The following TMEM129 variants were observed in gnomAD, a reference collection of about 807,000 sequenced individuals.
TMEM129 encodes the protein transmembrane protein 129, E3 ubiquitin ligase.
TMEM129 carries 35 observed loss-of-function variants against 34.1 expected under a neutral mutation model. That is an observed-to-expected ratio of 1.03 (90% CI 0.78 to 1.36). The LOEUF (loss-of-function observed/expected upper bound fraction) is 1.36. Ranked by LOEUF, TMEM129 falls within the 40% of genes most tolerant of loss-of-function variation. The pLI, the probability that TMEM129 is intolerant of heterozygous loss-of-function variation, is 0.00. For missense variants in TMEM129, 504 were observed against 512.6 expected, an observed-to-expected ratio of 0.98 and a Z score of 0.16; for synonymous variants, 239 against 217.3, an observed-to-expected ratio of 1.10 and a Z score of -0.88.
At chr4:1,719,109 C>T (rs757091695) in intron 1 of TMEM129, 7 of 1,192,926 alleles carry the variant, frequency 5.9e-6, no homozygotes, top group African/African-American at 4.7e-5. Context: ...CTTCAGGGCC[C>T]TGCTGGCCAG....
chr4:1,720,463 C>T lies in TMEM129; in HGVS notation c.205+170G>A, dbSNP rs911598117. On this transcript the variant is annotated intron_variant, in intron 1 of 3. Transcript: ENST00000382936. This position sits in a 1 kb window ranked among gnomAD's most constrained non-coding sequence, Gnocchi z 4.4. ...CCTGCAAGTCAGTGCCGGCGGCGCC[C>T]CTAAGCGCGCTCAGCCCACGCCGCG... 6.6e-6 allele frequency among the ~76,000 whole-genome samples: 1 copy of T among 152,256 alleles called. No homozygotes were observed. Among genetic ancestry groups the T allele is most frequent in the Non-Finnish European group, 1.5e-5 (1 of 68,044 alleles).
chr4:1,717,765 G>C, intron 2 of TMEM129, 90 bp from the exon 3 acceptor site: 1 of 1,427,570 alleles, frequency 7.0e-7, no homozygotes, highest in Non-Finnish European at 9.3e-7. Flanking sequence ...GGCAGCTGTC[G>C]CACCAGGACC....
intron 1 of TMEM129, among the ~76,000 whole-genome samples, chr4:1,719,605 G>A (rs1283201009): frequency 6.6e-6 from 1 of 152,272 alleles, no homozygotes; most frequent in East Asian, 1.9e-4. Context: ...AAAAGAGCTT[G>A]ACATCCGACT....
Position 1,720,971 on chromosome 4 carries a change from T to G in TMEM129, c.-134A>C. 1.0e-5 allele frequency: 4 copies of G among 385,906 alleles called. No homozygotes were observed. Among genetic ancestry groups the G allele is most frequent in the Non-Finnish European group, 1.3e-5 (3 of 230,628 alleles). The allele number at this position is 385,906 out of a possible 1,614,324, so 23.9% of individuals were successfully genotyped here. A position where few individuals can be genotyped will look rare whatever the true frequency, so the allele number is the denominator to read the frequency against. Reference sequence around the variant, plus strand: ...CCGCGGGGCACTCTAGGACATGGAGTCCCGCCGCCCGGCCGCCCGCGGGGC... The same window carrying G: ...CCGCGGGGCACTCTAGGACATGGAGGCCCGCCGCCCGGCCGCCCGCGGGGC... On this transcript the variant is annotated 5_prime_UTR_variant, in exon 1 of 4. Transcript: ENST00000382936. The surrounding 1 kb of genome is among the most constrained non-coding windows in gnomAD (Gnocchi z 4.4).
At position 1,720,842 on chromosome 4, in the gene TMEM129, CAGCCGCCGGGA is replaced by C; in HGVS notation, c.-16_-6del. 6.4e-7 allele frequency: 1 copy of C among 1,570,528 alleles called. No individual in the cohort carries two copies. ...GGTCACCTCGGGGCTGTCCATCGCG[CAGCCGCCGGGA>C]AGCTGTCGAGCTAGGCCCCCGCCCC... On this transcript the variant is annotated 5_prime_UTR_variant, in exon 1 of 4. Transcript: ENST00000382936. The surrounding 1 kb of genome is among the most constrained non-coding windows in gnomAD (Gnocchi z 4.4).
In TMEM129 at chr4:1,717,497, C is replaced by A. The variant is rs1249708786; in HGVS notation, c.840+19G>T. On this transcript the variant is annotated intron_variant, in intron 3 of 3. Coordinates refer to ENST00000382936, the MANE Select transcript of TMEM129 (RefSeq NM_001127266.2). ...GTGGGCACCCACCCATCCACCCGGC[C>A]CTGGCCCAGGCCCCCCACCTGGCTG... 1 of 1,509,022 alleles carries A rather than the reference C, an allele frequency of 6.6e-7. No individual in the cohort carries two copies. Among genetic ancestry groups the A allele is most frequent in the Admixed American group, 2.1e-5 (1 of 48,514 alleles). The allele number at this position is 1,509,022 out of a possible 1,614,324, so 93.5% of individuals were successfully genotyped here. A position where few individuals can be genotyped will look rare whatever the true frequency, so the allele number is the denominator to read the frequency against.
intron 1 of TMEM129, 59 bp from the exon 2 acceptor site, chr4:1,718,685 C>T (rs976409393): frequency 4.3e-5 from 61 of 1,432,308 alleles, no homozygotes; most frequent in South Asian, 7.6e-5. Flanking sequence ...GTCCACCCCC[C>T]GACAGCCCTG....
chr4:1,721,124 C>T lies in TMEM129; in HGVS notation c.-287G>A. On this transcript the variant is annotated 5_prime_UTR_variant, in exon 1 of 4. Transcript: ENST00000382936. ...CCGCCGCTCGGCCGCTCGCGGGGCG[C>T]TCTGGGAGATGCAGTCCCCGTGCGG... 4 of 249,800 alleles carry T rather than the reference C, an allele frequency of 1.6e-5. No individual in the cohort carries two copies. The highest frequency in any genetic ancestry group is 3.0e-5 in the Non-Finnish European group (4 of 135,152). The allele number at this position is 249,800 out of a possible 1,614,324, so 15.5% of individuals were successfully genotyped here.
At position 1,717,225 on chromosome 4, in the gene TMEM129, G is replaced by A; in HGVS notation, c.1044C>T (p.Thr348=). Residue 348 remains threonine, a synonymous_variant, in exon 4 of 4, where the codon ACC becomes ACT. Coordinates refer to ENST00000382936, the MANE Select transcript of TMEM129 (RefSeq NM_001127266.2). The stretch of plus-strand genomic sequence containing the variant: ...CCAGGATGCAGAAGCGTGCGCGGCA[G>A]GTGGGGCAGGGCACGCGGCTGGCCA... ...TWLASRVPCP[T]CRARFCILDV... is the part of the protein sequence containing the mutation. The A allele has an allele frequency of 1.3e-6, 2 of 1,500,846 alleles. No homozygotes were observed. Among genetic ancestry groups the A allele is most frequent in the South Asian group, 1.2e-5 (1 of 80,358 alleles). The allele number at this position is 1,500,846 out of a possible 1,614,324, so 93.0% of individuals were successfully genotyped here. A position where few individuals can be genotyped will look rare whatever the true frequency, so the allele number is the denominator to read the frequency against.
chr4:1,719,324 C>T lies in TMEM129; in HGVS notation c.206-698G>A, dbSNP rs1266241554. On this transcript the variant is annotated intron_variant, in intron 1 of 3. Transcript: ENST00000382936. The stretch of plus-strand genomic sequence containing the variant: ...ATCCCAGCACTTTGGGAAGCCGAGG[C>T]GGACGGATCACGAGGTCAGATCGAG... 2.5e-5 allele frequency: 11 copies of T among 432,380 alleles called. No individual in the cohort carries two copies. The East Asian group carries it at 2.8e-4, about 11-fold the overall frequency. The allele number at this position is 432,380 out of a possible 1,614,324, so 26.8% of individuals were successfully genotyped here.
In TMEM129 at chr4:1,716,931, G is replaced by C; in HGVS notation, c.*249C>G. On this transcript the variant is annotated 3_prime_UTR_variant, in exon 4 of 4. Transcript: ENST00000382936. ...AGGATCTGCCCCCACCAGCAGGAAAGGGGCAGGAGGGAGGCAAAGAGGAGG... is the reference window on the plus strand; with the variant it reads ...AGGATCTGCCCCCACCAGCAGGAAACGGGCAGGAGGGAGGCAAAGAGGAGG... 2.4e-6 allele frequency: 1 copy of C among 410,028 alleles called. No individual in the cohort carries two copies. The highest frequency in any genetic ancestry group is 4.2e-6 in the Non-Finnish European group (1 of 235,914). The allele number at this position is 410,028 out of a possible 1,614,324, so 25.4% of individuals were successfully genotyped here. A position where few individuals can be genotyped will look rare whatever the true frequency, so the allele number is the denominator to read the frequency against.
Position 1,717,005 on chromosome 4 carries a change from G to T in TMEM129, c.*175C>A. 2 of 800,392 alleles carry T rather than the reference G, an allele frequency of 2.5e-6. No homozygotes were observed. Among genetic ancestry groups the T allele is most frequent in the African/African-American group, 1.8e-5 (1 of 56,706 alleles). 49.6% of individuals were successfully genotyped at this position (800,392 alleles called of 1,614,324 possible). A position where few individuals can be genotyped will look rare whatever the true frequency, so the allele number is the denominator to read the frequency against. On this transcript the variant is annotated 3_prime_UTR_variant, in exon 4 of 4. Transcript: ENST00000382936. ...GCCAAGCAGGGTGGGGTGTTTTCAT[G>T]AGGATTGCTTTTAACCAAAAGTCCT...
chr4:1,718,579 C>T lies in TMEM129; in HGVS notation c.253G>A (p.Ala85Thr), dbSNP rs201756973. The change falls in exon 2 of 4, where the codon GCC becomes ACC. Residue 85 changes from alanine (A) to threonine (T), a missense_variant. Physicochemically the swap from Ala to Thr is moderately conservative, Grantham distance 58. Coordinates refer to ENST00000382936, the MANE Select transcript of TMEM129 (RefSeq NM_001127266.2). ...CAGGCCTCAGGGGCCTGGCTGAGGG[C>T]GTGGAGCCGCTTTTCTGAAGCCGCA... Reference protein sequence around the residue: ...CLAASEKRLHALSQAPEAWRL... With the variant: ...CLAASEKRLHTLSQAPEAWRL... 164 of 1,465,188 alleles carry T rather than the reference C, an allele frequency of 1.1e-4. No individual in the cohort carries two copies. In the African/African-American group the frequency reaches 1.9e-3, roughly 17 times the overall value. 90.8% of individuals were successfully genotyped at this position (1,465,188 alleles called of 1,614,324 possible). A position where few individuals can be genotyped will look rare whatever the true frequency, so the allele number is the denominator to read the frequency against.
rs781325125 is a variant in TMEM129, at chr4:1,717,423, C to T, written c.846G>A (p.Leu282=). 27 of 1,514,674 alleles carry T rather than the reference C, an allele frequency of 1.8e-5. No homozygotes were observed. Among genetic ancestry groups the T allele is most frequent in the Middle Eastern group, 1.7e-4 (1 of 5,756 alleles). 93.8% of individuals were successfully genotyped at this position (1,514,674 alleles called of 1,614,324 possible). ...TCTGCATGCAGCCTATGCAGGCCTCCAGCTCCTGCGGGCAGGTGGAGCGTC... is the reference window on the plus strand; with the variant it reads ...TCTGCATGCAGCCTATGCAGGCCTCTAGCTCCTGCGGGCAGGTGGAGCGTC... ...PAYSVPSSQE[L]EACIGCMQTR... The change falls in exon 4 of 4, where the codon CTG becomes CTA. Residue 282 remains leucine (L), a synonymous_variant. Coordinates refer to ENST00000382936, the MANE Select transcript of TMEM129 (RefSeq NM_001127266.2).
intron 1 of TMEM129, chr4:1,719,358 G>C (rs898706668): frequency 2.6e-6 from 1 of 379,684 alleles, no homozygotes; most frequent in African/African-American, 2.1e-5. Context: ...AGACCATCCT[G>C]GCTAACACGG....
At position 1,718,401 on chromosome 4, in the gene TMEM129, G is replaced by C. The variant is rs1432128239; in HGVS notation, c.431C>G (p.Ser144Cys). The C allele has an allele frequency of 6.2e-7, 1 of 1,607,144 alleles. No individual in the cohort carries two copies. The highest frequency in any genetic ancestry group is 1.7e-5 in the Admixed American group (1 of 59,216). Residue 144 changes from serine to cysteine, a missense_variant, in exon 2 of 4, where the codon TCT (serine) becomes TGT (cysteine). Coordinates refer to ENST00000382936, the MANE Select transcript of TMEM129 (RefSeq NM_001127266.2). Reference sequence around the variant, plus strand: ...AATCCGCCGGAACTCAGTGTTGACAGAGGAGGCAACAGCCTGCCAGCCAGA... The same window carrying C: ...AATCCGCCGGAACTCAGTGTTGACACAGGAGGCAACAGCCTGCCAGCCAGA... ...PQSGWQAVAS[S>C]VNTEFRRIDK... is the part of the protein sequence containing the mutation.
intron 1 of TMEM129, among the ~76,000 whole-genome samples, chr4:1,719,572 A>G (rs1439835756): frequency 6.6e-6 from 1 of 152,180 alleles, no homozygotes; most frequent in Non-Finnish European, 1.5e-5. Flanking sequence ...AAGCTTGAAA[A>G]CTTTCAAACT....
At position 1,718,301 on chromosome 4, in the gene TMEM129, G is replaced by C. The variant is rs772545910; in HGVS notation, c.531C>G (p.Tyr177Ter). ...CCTGCTGCTGGGCCACGTGCACTCG[G>C]TAGGTGGTTACCTTCATCACCCACG... is the stretch of plus-strand genomic sequence containing the variant. ...TDTWVMKVTT[Y>*]RVHVAQQQDV... Residue 177 changes from tyrosine to a stop codon, truncating the protein, a stop_gained, in exon 2 of 4, where the codon TAC (tyrosine) becomes TAG (stop). Coordinates refer to ENST00000382936, the MANE Select transcript of TMEM129 (RefSeq NM_001127266.2). LOFTEE classifies it high-confidence loss of function. 2.6e-5 allele frequency: 42 copies of C among 1,613,212 alleles called. No homozygotes were observed. The highest frequency in any genetic ancestry group is 3.5e-5 in the Non-Finnish European group (41 of 1,179,878).
In TMEM129 at chr4:1,718,112, C is replaced by A. The variant is rs763843228; in HGVS notation, c.680+40G>T. On this transcript the variant is annotated intron_variant, in intron 2 of 3. Coordinates refer to ENST00000382936, the MANE Select transcript of TMEM129 (RefSeq NM_001127266.2). ...GGCACCAGAGCCTGGCTCTGGCCTG[C>A]CATGTGCCCTCCGCAGCCCCACAGG... 15 of 1,491,210 alleles carry A rather than the reference C, an allele frequency of 1.0e-5. 1 individual carries two copies. In the South Asian group the frequency reaches 1.9e-4, roughly 19 times the overall value. The allele number at this position is 1,491,210 out of a possible 1,614,324, so 92.4% of individuals were successfully genotyped here. A position where few individuals can be genotyped will look rare whatever the true frequency, so the allele number is the denominator to read the frequency against.
Sources: allele counts gnomAD v4.1 joint callset (sites outside exome capture counted in the v4.1 genomes callset), GRCh38; gene constraint gnomAD v4.1.1; non-coding constraint Gnocchi (gnomAD v3.1); transcripts MANE v1.5; gene names NCBI Gene and HGNC (gene_info 2026-07-23, HGNC 2026-07-21).